The following POLR3A variants were observed in gnomAD, a reference collection of about 807,000 sequenced individuals.
The protein encoded by POLR3A is DNA-directed RNA polymerase III subunit RPC1.
In POLR3A, 112 loss-of-function variants were observed where a neutral mutation model predicts 152.8. The ratio of observed to expected loss-of-function variants is 0.73; its 90% CI spans 0.63 to 0.86. The LOEUF is 0.86. POLR3A is among the 40% of genes least tolerant of loss of function. POLR3A has a pLI of 0.00. For missense variants in POLR3A, 1,385 were observed against 1,743.1 expected (o/e 0.79, Z 3.66); for synonymous variants, 615 against 652.1 (o/e 0.94, Z 0.87).
intron 11 of POLR3A, 84 bp from the exon 12 acceptor site, chr10:78,010,624 G>C: frequency 2.1e-6 from 2 of 970,060 alleles, no homozygotes; most frequent in Non-Finnish European, 3.4e-6. Flanking sequence ...TTTTTGAATA[G>C]TTATGAACAA....
intron 3 of POLR3A, among the ~76,000 whole-genome samples, 157 bp downstream of exon 3, chr10:78,025,465 G>C (rs1456869092): frequency 2.0e-5 from 3 of 152,270 alleles, no homozygotes; most frequent in Middle Eastern, 6.8e-3. Flanking sequence ...TAATTCTTGA[G>C]TGATTTAACG....
Position 77,977,718 on chromosome 10 carries a change from G to C in POLR3A, c.4025-92C>G, listed in dbSNP as rs960660600. The C allele has an allele frequency of 1.8e-5, 19 of 1,076,028 alleles. No homozygotes were observed. In the African/African-American group the frequency reaches 3.0e-4, roughly 17 times the overall value. The allele number at this position is 1,076,028 out of a possible 1,614,324, so 66.7% of individuals were successfully genotyped here. ...TATTGGCTTAAGTGTCAGAAAATTA[G>C]GATGTGAGTCCCAGCGCCACTCCAC... On this transcript the variant is annotated intron_variant, in intron 30 of 30. Transcript: ENST00000372371.
chr10:77,992,683 T>C (rs941857274), intron 20 of POLR3A, among the ~76,000 whole-genome samples: 1 of 151,966 alleles, frequency 6.6e-6, no homozygotes, highest in African/African-American at 2.4e-5. Context: ...TCTTGTGATC[T>C]GCCCGATGTC....
At chr10:77,996,388 A>C (rs1274443615) in intron 19 of POLR3A, among the ~76,000 whole-genome samples, 7 of 152,138 alleles carry the variant, frequency 4.6e-5, no homozygotes, top group African/African-American at 1.4e-4. Flanking sequence ...TTTTTTGAAA[A>C]GATCAACAAA....
At position 78,017,615 on chromosome 10, in the gene POLR3A, C is replaced by G. The variant is rs1847537200; in HGVS notation, c.1391G>C (p.Arg464Pro). The G allele has an allele frequency of 6.2e-7, 1 of 1,614,068 alleles. No homozygotes were observed. Among genetic ancestry groups the G allele is most frequent in the Non-Finnish European group, 8.5e-7 (1 of 1,179,958 alleles). ...LIDGDVVLFN[R>P]QPSLHKLSIM... ...GCTCAATTTGTGCAGCGAGGGCTGC[C>G]GATTGAACAGCACCACATCTCCATC... Residue 464 changes from arginine (R) to proline (P), a missense_variant, in exon 10 of 31, where the codon CGG (arginine) becomes CCG (proline). Around this residue, in one of 7 missense-constraint regions of POLR3A, gnomAD observed 493 missense variants for 647.5 expected, o/e 0.76. Transcript: ENST00000372371.
chr10:78,013,341 C>T lies in POLR3A; in HGVS notation c.1572+309G>A, dbSNP rs1282167281. 9 of 383,900 alleles carry T rather than the reference C, an allele frequency of 2.3e-5. No individual in the cohort carries two copies. In the East Asian group the frequency reaches 4.5e-4, roughly 19 times the overall value. The allele number at this position is 383,900 out of a possible 1,614,324, so 23.8% of individuals were successfully genotyped here. A position where few individuals can be genotyped will look rare whatever the true frequency, so the allele number is the denominator to read the frequency against. ...TTGATATTGCTATATTCTTTTCTTA[C>T]CTTGTCATAACTGGCCCTCATGTAT... On this transcript the variant is annotated intron_variant, in intron 11 of 30. Coordinates refer to ENST00000372371, the MANE Select transcript of POLR3A (RefSeq NM_007055.4).
At position 77,980,133 on chromosome 10, in the gene POLR3A, A is replaced by G; in HGVS notation, c.4024+8T>C. On this transcript the variant is annotated splice_region_variant and intron_variant, in intron 30 of 30. Transcript: ENST00000372371. Reference sequence around the variant, plus strand: ...CTTTGATGCTGTTCATAGAAACATCAAACCTACCACACACAGAGTCCTTCT... The same window carrying G: ...CTTTGATGCTGTTCATAGAAACATCGAACCTACCACACACAGAGTCCTTCT... 1 of 1,613,760 alleles carries G rather than the reference A, an allele frequency of 6.2e-7. No individual in the cohort carries two copies. The highest frequency in any genetic ancestry group is 8.5e-7 in the Non-Finnish European group (1 of 1,179,630).
chr10:78,023,232 G>A (rs1234502653), intron 5 of POLR3A, among the ~76,000 whole-genome samples: 5 of 148,548 alleles, frequency 3.4e-5, no homozygotes, highest in South Asian at 4.3e-4. Context: ...GGGCTGAGGC[G>A]GGTGGGTCAC....
intron 27 of POLR3A, 117 bp from the exon 28 acceptor site, chr10:77,982,435 A>G: frequency 9.5e-7 from 1 of 1,056,842 alleles, no homozygotes; most frequent in Non-Finnish European, 1.5e-6. Flanking sequence ...AGCTAGTTTT[A>G]GGGATAAGGG....
At chr10:78,005,870 G>T (rs188955103) in intron 15 of POLR3A, among the ~76,000 whole-genome samples, 2 of 152,180 alleles carry the variant, frequency 1.3e-5, no homozygotes, top group East Asian at 3.9e-4. Context: ...AAAACTGAGA[G>T]GTCCATCAAC....
At chr10:78,005,126 G>A (rs537991655) in intron 15 of POLR3A, among the ~76,000 whole-genome samples, 2 of 152,302 alleles carry the variant, frequency 1.3e-5, no homozygotes, top group South Asian at 2.1e-4. Flanking sequence ...ACTTCTCTCA[G>A]AGACCTTACG....
intron 30 of POLR3A, among the ~76,000 whole-genome samples, chr10:77,979,773 C>T (rs4979936): frequency 0.32 from 48,699 of 152,102 alleles, 9,778 homozygotes; most frequent in African/African-American, 0.56. Context: ...CTCTGCCCAG[C>T]GCCCAGCCAG....
intron 11 of POLR3A, chr10:78,013,317 T>C: frequency 3.2e-6 from 1 of 310,314 alleles, no homozygotes; most frequent in Non-Finnish European, 6.2e-6. Flanking sequence ...CAGCCAACAT[T>C]GATATTGCTA....
rs759570566 is a variant in POLR3A at position 78,024,738 on chromosome 10, A to C, written c.491-35T>G. The C allele has an allele frequency of 1.8e-5, 29 of 1,579,632 alleles. 1 individual carries two copies. In the South Asian group the frequency reaches 3.1e-4, roughly 17 times the overall value. On this transcript the variant is annotated intron_variant, in intron 4 of 30. Coordinates refer to ENST00000372371, the MANE Select transcript of POLR3A (RefSeq NM_007055.4). ...TTAGTTTATTTACCAAGAAATAAAA[A>C]ATTATGTTCTCAGATTGGCCAGAGA...
intron 19 of POLR3A, among the ~76,000 whole-genome samples, chr10:77,994,480 G>C (rs1301225710): frequency 6.8e-6 from 1 of 147,470 alleles, no homozygotes; most frequent in Non-Finnish European, 1.5e-5. Context: ...GGTGTTTTAA[G>C]TAGTTAAAAA....
chr10:78,009,472 G>C (rs756176663), intron 14 of POLR3A, 65 bp downstream of exon 14: 24 of 1,608,674 alleles, frequency 1.5e-5, no homozygotes, highest in Admixed American at 5.0e-5. Flanking sequence ...CAGCAAAGCT[G>C]ATGACCAGCC....
Position 78,001,042 on chromosome 10 carries a change from G to C in POLR3A, c.2412C>G (p.Ile804Met). 6.2e-7 allele frequency: 1 copy of C among 1,612,296 alleles called. No homozygotes were observed. The highest frequency in any genetic ancestry group is 8.5e-7 in the Non-Finnish European group (1 of 1,178,528). ...AGCCGTCTGGCACTCGAGAGCCACT[G>C]ATGGCCTGCTGTCCCACACAGGCAA... The part of the protein sequence containing the change: ...QMIACVGQQA[I>M]SGSRVPDGFE... The change falls in exon 18 of 31, where the codon ATC becomes ATG. Residue 804 changes from isoleucine (I) to methionine (M), a missense_variant. This residue lies in a region of POLR3A where 170 missense variants were observed against 231.2 expected (regional missense o/e 0.74). Transcript: ENST00000372371.
At chr10:78,014,080 C>T (rs990935739) in intron 10 of POLR3A, among the ~76,000 whole-genome samples, 1 of 151,882 alleles carries the variant, frequency 6.6e-6, no homozygotes, top group African/African-American at 2.4e-5. Context: ...TCGCTTGAAC[C>T]CAGGAGGTGG....
chr10:77,993,139 C>T (rs893574154), intron 20 of POLR3A, 58 bp downstream of exon 20: 30 of 1,311,966 alleles, frequency 2.3e-5, no homozygotes, highest in South Asian at 3.5e-5. Context: ...ACAGTACTTC[C>T]GTCCTAAAGA....
Sources: gnomAD v4.1 joint callset for allele counts (sites outside exome capture counted in the v4.1 genomes callset) on GRCh38, gnomAD v4.1.1 for gene constraint, gnomAD v4.1.1 regional missense constraint, MANE v1.5 for transcripts, NCBI Gene and HGNC (gene_info 2026-07-23, HGNC 2026-07-21) for gene names.